Variants in ASH1L observed in about 807,000 individuals in gnomAD.
The protein encoded by ASH1L is ASH1 like histone lysine methyltransferase.
Under a neutral mutation model 269.0 loss-of-function variants are expected in ASH1L, and 23 were observed. The observed-to-expected ratio is 0.09, with a 90% CI of 0.06 to 0.12. The LOEUF (loss-of-function observed/expected upper bound fraction) is 0.12. Ranked by LOEUF, ASH1L falls within the 10% of genes least tolerant of loss-of-function variation. ASH1L has a pLI of 1.00. For synonymous variants in ASH1L, 1,187 were observed against 1,253.5 expected (o/e 0.95, Z 1.12); for missense variants, 2,912 against 3,567.8 (o/e 0.82, Z 4.68).
chr1:155,487,363 C>G (rs1666397746), intron 2 of ASH1L, among the ~76,000 whole-genome samples: 1 of 151,950 alleles, frequency 6.6e-6, no homozygotes. Flanking sequence ...TTACTGGGTG[C>G]TAGCAATGTC....
rs1428578327 is a variant in ASH1L, at chr1:155,404,213, A to G, written c.6009-8660T>C. ...TCTGAAAAAATAAAAAAATTAGTCC[A>G]GTGTGGTGGCATGTACCTGTAGTCC... is the stretch of plus-strand genomic sequence containing the variant. On this transcript the variant is annotated intron_variant, in intron 6 of 27. Coordinates refer to ENST00000392403, the MANE Select transcript of ASH1L (RefSeq NM_018489.3). Among the ~76,000 whole-genome samples, 2 of 151,864 alleles carry G rather than the reference A, an allele frequency of 1.3e-5. 1 individual carries two copies. Among genetic ancestry groups the G allele is most frequent in the Admixed American group, 1.3e-4 (2 of 15,204 alleles).
chr1:155,553,199 A>G (rs1202717284), intron 1 of ASH1L, among the ~76,000 whole-genome samples: 1 of 152,204 alleles, frequency 6.6e-6, no homozygotes, highest in Non-Finnish European at 1.5e-5. Context: ...TTCATTATTA[A>G]GACAACTAAT....
chr1:155,521,047 T>C (rs1417941412), intron 2 of ASH1L, 53 bp downstream of exon 2: 2 of 1,486,836 alleles, frequency 1.3e-6, no homozygotes, highest in Non-Finnish European at 1.8e-6. Context: ...TAAAAATTAA[T>C]AGGGAAATGA....
upstream of ASH1L, chr1:155,562,866 AACCGCCGCC>A (rs1672139426): frequency 2.1e-5 from 5 of 232,906 alleles, no homozygotes; most frequent in Non-Finnish European, 4.1e-5. Flanking sequence ...CACGGCCACC[AACCGCCGCC>A]ACGGCCGCCG....
chr1:155,408,500 A>T (rs1334494672), intron 6 of ASH1L, among the ~76,000 whole-genome samples: 1 of 152,216 alleles, frequency 6.6e-6, no homozygotes, highest in African/African-American at 2.4e-5. Context: ...AGTTGATTCC[A>T]GATACAGGCC....
chr1:155,485,666 G>A (rs1666288710), intron 2 of ASH1L, among the ~76,000 whole-genome samples: 1 of 152,030 alleles, frequency 6.6e-6, no homozygotes, highest in Non-Finnish European at 1.5e-5. Context: ...GAAGTAAAAG[G>A]CTATACTTTT....
At chr1:155,543,500 ACT>A (rs1302266075) in intron 1 of ASH1L, among the ~76,000 whole-genome samples, 3 of 128,628 alleles carry the variant, frequency 2.3e-5, no homozygotes, top group East Asian at 5.3e-4. Context: ...ACAGAGTGAG[ACT>A]CTGTCTCAAA....
At position 155,480,055 on chromosome 1, in the gene ASH1L, C is replaced by G; in HGVS notation, c.2815G>C (p.Glu939Gln). Residue 939 changes from glutamate (E) to glutamine (Q), a missense_variant, in exon 3 of 28, where the codon GAG becomes CAG. Transcript: ENST00000392403. ...TCATCTGGATCCTGAAGTTGATCCTCGCTCTCAAAGAAATCACTGCTACTT... is the reference window on the plus strand; with the variant it reads ...TCATCTGGATCCTGAAGTTGATCCTGGCTCTCAAAGAAATCACTGCTACTT... ...HRSSSDFFESEDQLQDPDDLD... is the reference protein window; with the variant it reads ...HRSSSDFFESQDQLQDPDDLD... The G allele has an allele frequency of 6.2e-7, 1 of 1,614,068 alleles. No homozygotes were observed.
At chr1:155,346,115 T>G in intron 21 of ASH1L, 1 of 1,320,788 alleles carries the variant, frequency 7.6e-7, no homozygotes, top group Non-Finnish European at 9.9e-7. Flanking sequence ...ATTACAGGCA[T>G]GAGCGACCGT....
chr1:155,352,495 AGAAAAAGAAAT>A (rs2148353678), intron 17 of ASH1L, among the ~76,000 whole-genome samples, 200 bp downstream of exon 17: 1 of 151,970 alleles, frequency 6.6e-6, no homozygotes, highest in Non-Finnish European at 1.5e-5. Context: ...ATCAGGAGAC[AGAAAAAGAAAT>A]GAAAAAGAAA....
At chr1:155,505,289 C>T (rs1312809330) in intron 2 of ASH1L, among the ~76,000 whole-genome samples, 1 of 152,206 alleles carries the variant, frequency 6.6e-6, no homozygotes, top group African/African-American at 2.4e-5. Flanking sequence ...GTTGTCAACA[C>T]CTAATTTTAA....
chr1:155,481,152 T>C lies in ASH1L; in HGVS notation c.1718A>G (p.Glu573Gly). 1 of 1,614,068 alleles carries C rather than the reference T, an allele frequency of 6.2e-7. No homozygotes were observed. Among genetic ancestry groups the C allele is most frequent in the Non-Finnish European group, 8.5e-7 (1 of 1,179,986 alleles). The change falls in exon 3 of 28, where the codon GAA becomes GGA. Residue 573 changes from glutamate (E) to glycine (G), a missense_variant. Transcript: ENST00000392403. ...ATTAGGAGCCAACTGTGAAGAAGTT[T>C]CAGGGGGACTTCTGGTTAAAGGATT... ...SVNPLTRSPPETSSQLAPNPL... is the reference protein window; with the variant it reads ...SVNPLTRSPPGTSSQLAPNPL...
At chr1:155,450,829 C>T (rs1446103182) in intron 4 of ASH1L, among the ~76,000 whole-genome samples, 2 of 152,054 alleles carry the variant, frequency 1.3e-5, no homozygotes, top group Admixed American at 6.6e-5. Flanking sequence ...TAACAATAAA[C>T]AAAATGTGGT....
chr1:155,338,748 A>T (rs1558009612), intron 26 of ASH1L, among the ~76,000 whole-genome samples: 1 of 152,176 alleles, frequency 6.6e-6, no homozygotes, highest in Non-Finnish European at 1.5e-5. Flanking sequence ...TACAATAATA[A>T]ATATTTAAAT....
chr1:155,501,847 G>C (rs1220190483), intron 2 of ASH1L, among the ~76,000 whole-genome samples: 1 of 151,806 alleles, frequency 6.6e-6, no homozygotes, highest in African/African-American at 2.4e-5. Flanking sequence ...ATTTTTAGTA[G>C]AAACGGGGTT....
chr1:155,471,043 G>A (rs1006884417), intron 3 of ASH1L, among the ~76,000 whole-genome samples: 3 of 151,984 alleles, frequency 2.0e-5, no homozygotes, highest in African/African-American at 4.8e-5. Flanking sequence ...ACTTTTCCTC[G>A]ACTGGTTTTT....
chr1:155,395,446 A>G lies in ASH1L; in HGVS notation c.6103+13T>C. 1.3e-6 allele frequency: 2 copies of G among 1,586,378 alleles called. No individual in the cohort carries two copies. Among genetic ancestry groups the G allele is most frequent in the Non-Finnish European group, 1.7e-6 (2 of 1,162,742 alleles). ...TTCTTCTCAGCAATACATTGTGTGG[A>G]CTCGGTACTTACCAACATGAATGGG... is the stretch of plus-strand genomic sequence containing the variant. On this transcript the variant is annotated intron_variant, in intron 7 of 27. Transcript: ENST00000392403.
chr1:155,530,982 CTCAA>C (rs544481886), intron 1 of ASH1L, among the ~76,000 whole-genome samples: 8 of 151,970 alleles, frequency 5.3e-5, no homozygotes, highest in Non-Finnish European at 1.0e-4. Flanking sequence ...GACACTCTGT[CTCAA>C]TCAATCAATC....
At chr1:155,482,474 T>G in intron 2 of ASH1L, 25 bp from the exon 3 acceptor site, 1 of 1,582,178 alleles carries the variant, frequency 6.3e-7, no homozygotes, top group Non-Finnish European at 8.6e-7. Flanking sequence ...AGAAAAAAGT[T>G]AAAGAGGGAG....
Sources: allele counts gnomAD v4.1 joint callset (sites outside exome capture counted in the v4.1 genomes callset), GRCh38; gene constraint gnomAD v4.1.1; transcripts MANE v1.5; gene names NCBI Gene and HGNC (gene_info 2026-07-23, HGNC 2026-07-21).